FHIT: variants seen among roughly 807,000 people sequenced by gnomAD.
The protein encoded by FHIT is bis(5'-adenosyl)-triphosphatase.
FHIT carries 19 observed loss-of-function variants against 17.9 expected under a neutral mutation model. That is an observed-to-expected ratio of 1.06 (90% CI 0.74 to 1.56). The LOEUF (loss-of-function observed/expected upper bound fraction) is 1.56. Among genes scored for constraint, FHIT ranks in the 40% most tolerant of loss-of-function variants. The pLI, the probability that FHIT is intolerant of heterozygous loss-of-function variation, is 0.00. For synonymous variants in FHIT, 81 were observed against 69.7 expected (o/e 1.16, Z -0.81); for missense variants, 248 against 189.2 (o/e 1.31, Z -1.82).
chr3:60,656,590 T>G (rs1340815773), intron 4 of FHIT, among the ~76,000 whole-genome samples: 1 of 152,158 alleles, frequency 6.6e-6, no homozygotes, highest in Non-Finnish European at 1.5e-5. Flanking sequence ...CGTGAAATGA[T>G]AATTCTGGCT....
intron 5 of FHIT, among the ~76,000 whole-genome samples, chr3:60,115,049 G>A (rs7653008): frequency 0.26 from 39,873 of 151,734 alleles, 5,933 homozygotes; most frequent in Non-Finnish European, 0.35. Context: ...TTAATCACAT[G>A]CTTATTAATA....
chr3:60,389,104 C>T (rs1701125256), intron 5 of FHIT, among the ~76,000 whole-genome samples: 1 of 152,184 alleles, frequency 6.6e-6, no homozygotes, highest in Admixed American at 6.5e-5. Flanking sequence ...AATGCATTTG[C>T]ATTCCCTGAT....
intron 7 of FHIT, among the ~76,000 whole-genome samples, chr3:59,977,364 T>C (rs566956507): frequency 2.0e-5 from 3 of 152,234 alleles, no homozygotes; most frequent in Admixed American, 6.6e-5. Context: ...CTTCACAACA[T>C]TTTGATTGAT....
chr3:60,358,112 C>T (rs947546711), intron 5 of FHIT, among the ~76,000 whole-genome samples: 2 of 152,190 alleles, frequency 1.3e-5, no homozygotes, highest in African/African-American at 4.8e-5. Flanking sequence ...AGAAAGAAGG[C>T]AATGCACCTT....
At chr3:60,515,476 C>A (rs1244344738) in intron 5 of FHIT, among the ~76,000 whole-genome samples, 1 of 151,948 alleles carries the variant, frequency 6.6e-6, no homozygotes, top group East Asian at 1.9e-4. Context: ...AGTAGCCTCA[C>A]CCCAAAGAGA....
At chr3:61,215,254 A>G (rs528792622) in intron 1 of FHIT, among the ~76,000 whole-genome samples, 4 of 151,758 alleles carry the variant, frequency 2.6e-5, no homozygotes, top group African/African-American at 9.6e-5. Flanking sequence ...TTGTATATCT[A>G]GAAAACCCCA....
At chr3:60,429,057 G>C (rs531743888) in intron 5 of FHIT, among the ~76,000 whole-genome samples, 2 of 152,140 alleles carry the variant, frequency 1.3e-5, no homozygotes, top group East Asian at 1.9e-4. Context: ...TTACCAAAGA[G>C]AGGACAGCAC....
chr3:60,719,742 C>T (rs2041767620), intron 4 of FHIT, among the ~76,000 whole-genome samples: 1 of 152,146 alleles, frequency 6.6e-6, no homozygotes. Flanking sequence ...TGACCAGCTC[C>T]TCTGCAAATT....
intron 5 of FHIT, among the ~76,000 whole-genome samples, chr3:60,522,475 T>C (rs2035409066): frequency 6.6e-6 from 1 of 152,190 alleles, no homozygotes; most frequent in Non-Finnish European, 1.5e-5. Flanking sequence ...TTTAAAAATC[T>C]ATGTCAGCTA....
intron 2 of FHIT, among the ~76,000 whole-genome samples, chr3:61,196,710 A>C (rs1426038352): frequency 6.6e-6 from 1 of 152,196 alleles, no homozygotes; most frequent in Non-Finnish European, 1.5e-5. Flanking sequence ...AATTCCATTA[A>C]CACTCCAGAC....
chr3:59,957,684 C>T (rs939759078), intron 7 of FHIT, among the ~76,000 whole-genome samples: 2 of 152,198 alleles, frequency 1.3e-5, no homozygotes, highest in Non-Finnish European at 2.9e-5. Context: ...GTGGCACTTA[C>T]AGTGCTTTTC....
intron 8 of FHIT, among the ~76,000 whole-genome samples, chr3:59,775,466 AAC>A (rs1702264635): frequency 6.6e-6 from 1 of 152,280 alleles, no homozygotes; most frequent in East Asian, 1.9e-4. Flanking sequence ...GCACCACTCA[AAC>A]ACACAATCCA....
intron 5 of FHIT, among the ~76,000 whole-genome samples, chr3:60,110,068 G>C (rs926140): frequency 0.46 from 70,431 of 151,912 alleles, 16,692 homozygotes; most frequent in Non-Finnish European, 0.5. Context: ...CCAATGTTAT[G>C]GCTATAAAGG....
chr3:59,781,391 C>T (rs9681919), intron 8 of FHIT, among the ~76,000 whole-genome samples: 5,458 of 152,296 alleles, frequency 0.036, 137 homozygotes, highest in South Asian at 0.076. Context: ...CTGTGCTACT[C>T]GGTTCATAAA....
chr3:60,940,254 T>G (rs1397236277), intron 3 of FHIT, among the ~76,000 whole-genome samples: 1 of 152,126 alleles, frequency 6.6e-6, no homozygotes, highest in Non-Finnish European at 1.5e-5. Flanking sequence ...TGAGAAAAAT[T>G]GCCCTGTAAA....
chr3:61,209,005 T>A (rs542124032), intron 1 of FHIT, among the ~76,000 whole-genome samples: 152 of 152,122 alleles, frequency 1.0e-3, no homozygotes, highest in African/African-American at 3.4e-3. Context: ...CTTTTAGGGC[T>A]GGCCTGGTGG....
intron 5 of FHIT, among the ~76,000 whole-genome samples, chr3:60,245,137 A>G (rs886112531): frequency 6.6e-6 from 1 of 152,222 alleles, no homozygotes; most frequent in African/African-American, 2.4e-5. Flanking sequence ...TATGAATTCA[A>G]GAAGTCATGA....
chr3:59,917,757 C>T (rs1304576170), intron 8 of FHIT, among the ~76,000 whole-genome samples: 1 of 152,120 alleles, frequency 6.6e-6, no homozygotes, highest in Admixed American at 6.5e-5. Context: ...CTAAGACATA[C>T]TGCTGGAGGA....
chr3:59,752,421 T>G, intron 8 of FHIT, 100 bp from the exon 9 acceptor site: 2 of 672,846 alleles, frequency 3.0e-6, no homozygotes, highest in Non-Finnish European at 5.1e-6. Flanking sequence ...ATTTGCAAAT[T>G]AGAGGCCAGT....
Sources: allele counts gnomAD v4.1 joint callset (sites outside exome capture counted in the v4.1 genomes callset), GRCh38; gene constraint gnomAD v4.1.1; transcripts MANE v1.5; gene names NCBI Gene and HGNC (gene_info 2026-07-23, HGNC 2026-07-21).